Variants in GIT1 observed in about 807,000 individuals in gnomAD.
GIT1 encodes the protein ARF GTPase-activating protein GIT1.
A neutral mutation model predicts 91.7 loss-of-function variants in GIT1; 14 were observed. The observed-to-expected ratio is 0.15, with a 90% CI of 0.10 to 0.24. The LOEUF (loss-of-function observed/expected upper bound fraction) is 0.24, where lower values mean the gene tolerates loss of function less well. Among genes scored for constraint, GIT1 ranks in the 10% least tolerant of loss-of-function variants. GIT1 has a pLI of 1.00. For missense variants in GIT1, 717 were observed against 1,024.9 expected, an observed-to-expected ratio of 0.70 and a Z score of 4.10; for synonymous variants, 414 against 418.2, an observed-to-expected ratio of 0.99 and a Z score of 0.12.
chr17:29,576,712 C>T (rs1345562217), intron 12 of GIT1, 38 bp from the exon 13 acceptor site: 1 of 1,611,268 alleles, frequency 6.2e-7, no homozygotes, highest in Admixed American at 1.7e-5. Flanking sequence ...CACCTGGGGG[C>T]AGGGAGGCCA....
Position 29,575,278 on chromosome 17 carries a change from C to CGGAG in GIT1, c.2009+9_2009+10insCTCC. 6.2e-7 allele frequency: 1 copy of CGGAG among 1,605,320 alleles called. No homozygotes were observed. The highest frequency in any genetic ancestry group is 1.1e-5 in the South Asian group (1 of 90,224). On this transcript the variant is annotated intron_variant, in intron 18 of 19. Transcript: ENST00000225394. The surrounding 1 kb of genome is among the most constrained non-coding windows in gnomAD (Gnocchi z 5.5). ...ACTGCATCCCCCTCACCTCCCCCTC[C>CGGAG]ACTCAGTACCTGTCATGCTTGAACT...
intron 7 of GIT1, 194 bp from the exon 8 acceptor site, chr17:29,578,973 G>A: frequency 6.2e-7 from 1 of 1,613,886 alleles, no homozygotes; most frequent in Non-Finnish European, 8.5e-7. Flanking sequence ...TCTGAGACAT[G>A]CACTTTTGCC....
rs748697870 is a variant in GIT1, at chr17:29,583,505, G to A, written c.164C>T (p.Ala55Val). ...ISIVKHLRHS[A>V]WPPTLLQMVH... Reference sequence around the variant, plus strand: ...TACCTGCAGCAGCGTGGGAGGCCAGGCGCTGTGGCGAAGGTGCTTGACAAT... The same window carrying A: ...TACCTGCAGCAGCGTGGGAGGCCAGACGCTGTGGCGAAGGTGCTTGACAAT... Residue 55 changes from alanine to valine, a missense_variant, in exon 2 of 20, where the codon GCC (alanine) becomes GTC (valine). Coordinates refer to ENST00000225394, the MANE Select transcript of GIT1 (RefSeq NM_014030.4). 4.3e-6 allele frequency: 7 copies of A among 1,612,300 alleles called. No individual in the cohort carries two copies. Among genetic ancestry groups the A allele is most frequent in the East Asian group, 2.2e-5 (1 of 44,896 alleles).
intron 4 of GIT1, among the ~76,000 whole-genome samples, chr17:29,582,431 T>C (rs2033432713): frequency 6.6e-6 from 1 of 152,254 alleles, no homozygotes; most frequent in South Asian, 2.1e-4. Flanking sequence ...ACTGAGGCTA[T>C]GAGTGGCTAA....
rs1162996025 is a variant in GIT1, at chr17:29,574,137, A to AAAAC, written c.*561_*564dup. On this transcript the variant is annotated 3_prime_UTR_variant, in exon 20 of 20. Transcript: ENST00000225394. ...GGTGGGGAAGAAGAAAGAAAAAAAAAAAACAGACTTTCCAGTGTTTGCTGC... is the reference window on the plus strand; with the variant it reads ...GGTGGGGAAGAAGAAAGAAAAAAAAAAAACAAACAGACTTTCCAGTGTTTGCTGC... 3.3e-5 allele frequency: 5 copies of AAAAC among 152,440 alleles called. No homozygotes were observed. Among genetic ancestry groups the AAAAC allele is most frequent in the African/African-American group, 1.2e-4 (5 of 41,398 alleles). The allele number at this position is 152,440 out of a possible 1,614,324, so 9.4% of individuals were successfully genotyped here.
rs1166251930 is a variant in GIT1 at position 29,574,475 on chromosome 17, A to C, written c.*227T>G. The C allele has an allele frequency of 8.3e-6, 5 of 604,196 alleles. No homozygotes were observed. Among genetic ancestry groups the C allele is most frequent in the Non-Finnish European group, 1.5e-5 (5 of 336,310 alleles). 37.4% of individuals were successfully genotyped at this position (604,196 alleles called of 1,614,324 possible). A position where few individuals can be genotyped will look rare whatever the true frequency, so the allele number is the denominator to read the frequency against. On this transcript the variant is annotated 3_prime_UTR_variant, in exon 20 of 20. Coordinates refer to ENST00000225394, the MANE Select transcript of GIT1 (RefSeq NM_014030.4). ...AGGAGGGGGGAGATGCTATATACAG[A>C]GGGGAGGTGCATGGAATGTGGGGGA...
intron 1 of GIT1, 99 bp from the exon 2 acceptor site, chr17:29,583,715 T>G: frequency 7.7e-7 from 1 of 1,301,598 alleles, no homozygotes; most frequent in Non-Finnish European, 1.0e-6. Context: ...TCTCCACACA[T>G]TCACTCACTC....
chr17:29,588,282 T>C (rs1051204561), intron 1 of GIT1, among the ~76,000 whole-genome samples: 1 of 152,320 alleles, frequency 6.6e-6, no homozygotes, highest in Non-Finnish European at 1.5e-5. Flanking sequence ...AGATAGCTCC[T>C]TTGCTAAAGA....
chr17:29,577,312 G>A (rs1233093011), intron 10 of GIT1, 65 bp from the exon 11 acceptor site: 2 of 1,210,748 alleles, frequency 1.7e-6, no homozygotes, highest in Non-Finnish European at 1.2e-6. Context: ...GGACGGCAGG[G>A]ACCAAGTAGC....
At chr17:29,580,652 C>T (rs888451608) in intron 7 of GIT1, among the ~76,000 whole-genome samples, 2 of 152,210 alleles carry the variant, frequency 1.3e-5, no homozygotes, top group Admixed American at 1.3e-4. Flanking sequence ...TTAGTCACAT[C>T]CCTGAAGCCC....
At chr17:29,584,521 C>T (rs1164219403) in intron 1 of GIT1, among the ~76,000 whole-genome samples, 1 of 152,146 alleles carries the variant, frequency 6.6e-6, no homozygotes, top group Non-Finnish European at 1.5e-5. Flanking sequence ...CATCCTAGGC[C>T]CCTTGGGAGA....
chr17:29,581,737 C>T lies in GIT1; in HGVS notation c.718+5G>A. 1 of 1,607,396 alleles carries T rather than the reference C, an allele frequency of 6.2e-7. No individual in the cohort carries two copies. Among genetic ancestry groups the T allele is most frequent in the Non-Finnish European group, 8.5e-7 (1 of 1,178,424 alleles). On this transcript the variant is annotated splice_donor_5th_base_variant and intron_variant, in intron 6 of 19. Transcript: ENST00000225394. The surrounding 1 kb of genome is among the most constrained non-coding windows in gnomAD (Gnocchi z 4.8). ...ACAGCCAGGCGCCCCCCAAGCTCTGCTCACCCGGCTTGCGTCCACAGAGGT... is the reference window on the plus strand; with the variant it reads ...ACAGCCAGGCGCCCCCCAAGCTCTGTTCACCCGGCTTGCGTCCACAGAGGT...
Position 29,576,306 on chromosome 17 carries a change from T to G in GIT1, c.1525A>C (p.Met509Leu). ...THRRDRQAFS[M>L]YEPGSALKPF... ...TTCAGGGCAGAGCCAGGTTCATACA[T>G]GGAAAAGGCCTGGCGATCCCTGCGG... is the stretch of plus-strand genomic sequence containing the variant. The change falls in exon 14 of 20, where the codon ATG becomes CTG. Residue 509 changes from methionine (M) to leucine (L), a missense_variant. Around this residue, in one of 3 missense-constraint regions of GIT1, gnomAD observed 312 missense variants for 349.5 expected, o/e 0.89. Coordinates refer to ENST00000225394, the MANE Select transcript of GIT1 (RefSeq NM_014030.4). The G allele has an allele frequency of 6.2e-7, 1 of 1,612,864 alleles. No homozygotes were observed. The highest frequency in any genetic ancestry group is 8.5e-7 in the Non-Finnish European group (1 of 1,179,826).
chr17:29,587,717 G>A (rs1489395663), intron 1 of GIT1, among the ~76,000 whole-genome samples: 1 of 152,146 alleles, frequency 6.6e-6, no homozygotes, highest in African/African-American at 2.4e-5. Flanking sequence ...TCTGAATTGA[G>A]GAAGCTGAGG....
chr17:29,579,819 T>G (rs1019062132), intron 7 of GIT1, among the ~76,000 whole-genome samples: 6 of 151,948 alleles, frequency 3.9e-5, no homozygotes, highest in Non-Finnish European at 8.8e-5. Context: ...CCAGGAGAGA[T>G]AACCAAGGCT....
rs749804654 is a variant in GIT1 at position 29,582,112 on chromosome 17, C to T, written c.438G>A (p.Leu146=). Residue 146 remains leucine, a synonymous_variant, in exon 5 of 20, where the codon CTG becomes CTA. Coordinates refer to ENST00000225394, the MANE Select transcript of GIT1 (RefSeq NM_014030.4). ...QLHSSVRTGN[L]ETCLRLLSLG... ...GGGAGAGCAGGCGCAGACATGTCTC[C>T]AGGTTGCCTGTCCGCACGCTCGAGT... The T allele has an allele frequency of 1.9e-6, 3 of 1,596,572 alleles. No homozygotes were observed. The highest frequency in any genetic ancestry group is 1.1e-5 in the South Asian group (1 of 90,386).
intron 1 of GIT1, 117 bp from the exon 2 acceptor site, chr17:29,583,733 A>G: frequency 8.5e-7 from 1 of 1,171,072 alleles, no homozygotes; most frequent in Non-Finnish European, 1.2e-6. Context: ...CTCAGTCTCC[A>G]ACAGCCTAGG....
rs1393417208 is a variant in GIT1 at position 29,575,887 on chromosome 17, C to A, written c.1677G>T (p.Gly559=). ...TGAAGGGCACAGCTGAGGCAGACAC[C>A]CCTTTCCGGATCTGAAACCCAGGGC... ...VPAGLYRIRK[G]VSASAVPFTP... Residue 559 remains glycine (G), a synonymous_variant, in exon 16 of 20, where the codon GGG becomes GGT. Transcript: ENST00000225394. This position sits in a 1 kb window ranked among gnomAD's most constrained non-coding sequence, Gnocchi z 5.5. The A allele has an allele frequency of 3.1e-6, 5 of 1,608,260 alleles. No homozygotes were observed. Among genetic ancestry groups the A allele is most frequent in the East Asian group, 2.2e-5 (1 of 44,594 alleles).
intron 8 of GIT1, 64 bp downstream of exon 8, chr17:29,578,667 C>G: frequency 7.2e-7 from 1 of 1,391,420 alleles, no homozygotes; most frequent in African/African-American, 1.4e-5. Flanking sequence ...GAAGCAAGAG[C>G]AGAGGGTGGG....
Sources: allele counts gnomAD v4.1 joint callset (sites outside exome capture counted in the v4.1 genomes callset), GRCh38; gene constraint gnomAD v4.1.1; regional missense constraint gnomAD v4.1.1; non-coding constraint Gnocchi (gnomAD v3.1); transcripts MANE v1.5; gene names NCBI Gene and HGNC (gene_info 2026-07-23, HGNC 2026-07-21).